TEF: variants seen among roughly 807,000 people sequenced by gnomAD.
The protein encoded by TEF is thyrotroph embryonic factor.
In TEF, 3 loss-of-function variants were observed where a neutral mutation model predicts 20.8. The ratio of observed to expected loss-of-function variants is 0.14; its 90% CI spans 0.07 to 0.37. The LOEUF (loss-of-function observed/expected upper bound fraction) is 0.37. Ranked by LOEUF, TEF falls within the 10% of genes least tolerant of loss-of-function variation. The probability of loss-of-function intolerance (pLI) is 1.00; values close to 1 mark genes in which losing one functional copy is unlikely to be tolerated. For missense variants in TEF, 296 were observed against 397.9 expected, an observed-to-expected ratio of 0.74 and a Z score of 2.18; for synonymous variants, 180 against 171.1, an observed-to-expected ratio of 1.05 and a Z score of -0.41.
chr22:41,381,278 G>C (rs564120719), upstream of TEF, among the ~76,000 whole-genome samples: 1 of 152,170 alleles, frequency 6.6e-6, no homozygotes, highest in Non-Finnish European at 1.5e-5. Flanking sequence ...AGAGTCCCCA[G>C]AACAAAAAGA....
At chr22:41,383,980 C>T (rs2037065554) in intron 1 of TEF, among the ~76,000 whole-genome samples, 2 of 152,192 alleles carry the variant, frequency 1.3e-5, no homozygotes, top group Admixed American at 1.3e-4. Flanking sequence ...GGTTTTAAAC[C>T]AAAGCCTGGT....
rs578044529 is a variant in TEF at position 41,386,193 on chromosome 22, C to T, written c.158-1158C>T. Among the ~76,000 whole-genome samples, 175 of 152,280 alleles carry T rather than the reference C, an allele frequency of 1.1e-3. 4 individuals are homozygous for T. In the South Asian group the frequency reaches 0.016, roughly 14 times the overall value. ...GTGGCTCACGCCTGTAATCCCATCA[C>T]TTTGGGAGGCCAAGGCAGGTGGATC... On this transcript the variant is annotated intron_variant, in intron 1 of 3. Coordinates refer to ENST00000266304, the MANE Select transcript of TEF (RefSeq NM_003216.4).
intron 2 of TEF, among the ~76,000 whole-genome samples, chr22:41,393,167 C>A (rs1241099335): frequency 6.6e-6 from 1 of 151,636 alleles, no homozygotes; most frequent in Admixed American, 6.6e-5. Context: ...ATAATGAAAC[C>A]CTGTCTCTAA....
chr22:41,381,356 G>A (rs1484409414), upstream of TEF, among the ~76,000 whole-genome samples: 7 of 150,458 alleles, frequency 4.7e-5, no homozygotes, highest in Non-Finnish European at 1.0e-4. Flanking sequence ...CACCGCCCCG[G>A]GCCCCGCCCC....
At chr22:41,369,373 G>GC in intron 1 of TEF, 4 of 550,166 alleles carry the variant, frequency 7.3e-6, no homozygotes, top group Non-Finnish European at 6.9e-6. Flanking sequence ...AGTTAGTCCA[G>GC]CATGGCTGGG....
rs768940653 is a variant in TEF, at chr22:41,382,123, G to A, written c.79G>A (p.Gly27Arg). ...CGGTCCGGGGCCGGGGCGCGCAGCT[G>A]GGGAAAGGGGCCTGTCGGGGTCCTT... is the stretch of plus-strand genomic sequence containing the variant. The part of the protein sequence containing the change: ...GPGPGPGRAA[G>R]ERGLSGSFPL... Residue 27 changes from glycine to arginine, a missense_variant, in exon 1 of 4, where the codon GGG becomes AGG. Gly to Arg is a moderately radical substitution (Grantham distance 125). This residue lies in a region of TEF where 102 missense variants were observed against 80.1 expected (regional missense o/e 1.27). Transcript: ENST00000266304. 211 of 1,235,270 alleles carry A rather than the reference G, an allele frequency of 1.7e-4. No homozygotes were observed. Among genetic ancestry groups the A allele is most frequent in the Non-Finnish European group, 2.1e-4 (203 of 989,678 alleles). 76.5% of individuals were successfully genotyped at this position (1,235,270 alleles called of 1,614,324 possible).
At chr22:41,367,976 A>G (rs1397921837) in intron 1 of TEF, among the ~76,000 whole-genome samples, 1 of 151,944 alleles carries the variant, frequency 6.6e-6, no homozygotes, top group Non-Finnish European at 1.5e-5. Flanking sequence ...GGGACTGTGG[A>G]TTTGGGCAGC....
chr22:41,380,278 C>T (rs2037000303), upstream of TEF, among the ~76,000 whole-genome samples: 1 of 152,216 alleles, frequency 6.6e-6, no homozygotes, highest in Non-Finnish European at 1.5e-5. Flanking sequence ...TCAGCTTCCC[C>T]AGTACCTGGG....
upstream of TEF, among the ~76,000 whole-genome samples, chr22:41,379,926 GAAAA>G (rs139912469): frequency 0.015 from 2,181 of 146,382 alleles, 61 homozygotes; most frequent in African/African-American, 0.052. Context: ...GAAAAGAAAA[GAAAA>G]GAAAATAAAA....
chr22:41,374,353 A>G (rs913463806), intron 1 of TEF, among the ~76,000 whole-genome samples: 1 of 152,098 alleles, frequency 6.6e-6, no homozygotes, highest in Non-Finnish European at 1.5e-5. Context: ...GATCGAGACC[A>G]TCCTGGCTAA....
chr22:41,398,179 C>T lies in TEF; in HGVS notation c.*2219C>T, dbSNP rs1212580586. On this transcript the variant is annotated 3_prime_UTR_variant, in exon 4 of 4. Transcript: ENST00000266304. ...ATGGAGGATGTCCACAGAGGCTGAC[C>T]TGTGGGGGAAAAGAAGTGCTCAGGT... 1 of 152,346 alleles carries T rather than the reference C, an allele frequency of 6.6e-6. No individual in the cohort carries two copies. The highest frequency in any genetic ancestry group is 2.4e-5 in the African/African-American group (1 of 41,414). 9.4% of individuals were successfully genotyped at this position (152,346 alleles called of 1,614,324 possible).
Position 41,394,034 on chromosome 22 carries a change from G to C in TEF, c.476-62G>C. On this transcript the variant is annotated intron_variant, in intron 2 of 3. Transcript: ENST00000266304. ...GAGGTTCAACCAGGTGTCTGGGTGT[G>C]TGGCGTGGGTCTTCTCTGTCCAGTG... 3.4e-6 allele frequency: 5 copies of C among 1,489,962 alleles called. No individual in the cohort carries two copies. In the South Asian group the frequency reaches 6.1e-5, roughly 18 times the overall value. 92.3% of individuals were successfully genotyped at this position (1,489,962 alleles called of 1,614,324 possible). A position where few individuals can be genotyped will look rare whatever the true frequency, so the allele number is the denominator to read the frequency against.
At chr22:41,384,288 G>T (rs528642162) in intron 1 of TEF, among the ~76,000 whole-genome samples, 2 of 152,204 alleles carry the variant, frequency 1.3e-5, no homozygotes, top group African/African-American at 4.8e-5. Flanking sequence ...CTGTCACTTT[G>T]ATTTCCTTCC....
At chr22:41,377,380 C>CT (rs1195692310), upstream of TEF, 1 of 152,152 alleles carries the variant, frequency 6.6e-6, no homozygotes, top group Non-Finnish European at 1.5e-5. Flanking sequence ...TTCTCTTTCT[C>CT]TTTTTTCCCC....
At chr22:41,379,294 C>A (rs986710979), upstream of TEF, among the ~76,000 whole-genome samples, 2 of 152,052 alleles carry the variant, frequency 1.3e-5, no homozygotes, top group Non-Finnish European at 2.9e-5. Context: ...ACCGAGATCC[C>A]GCCATTTGCA....
upstream of TEF, among the ~76,000 whole-genome samples, chr22:41,378,156 CTTAGCTTCCTTTTTTTT>C (rs2036967434): frequency 1.0e-5 from 1 of 98,246 alleles, no homozygotes; most frequent in Admixed American, 1.7e-4. Context: ...AAAAAGCTTC[CTTAGCTTCCTTTTTTTT>C]TTTTTTTTTT....
chr22:41,396,929 G>T lies in TEF; in HGVS notation c.*969G>T. On this transcript the variant is annotated 3_prime_UTR_variant, in exon 4 of 4. Transcript: ENST00000266304. ...GTGGTGTTTAGAAAATGCCTCCACA[G>T]CCCCCTTCCACCATGGGCATGAGAG... 1 of 398,618 alleles carries T rather than the reference G, an allele frequency of 2.5e-6. No individual in the cohort carries two copies. Among genetic ancestry groups the T allele is most frequent in the Non-Finnish European group, 4.4e-6 (1 of 226,118 alleles). 24.7% of individuals were successfully genotyped at this position (398,618 alleles called of 1,614,324 possible). A position where few individuals can be genotyped will look rare whatever the true frequency, so the allele number is the denominator to read the frequency against.
intron 2 of TEF, among the ~76,000 whole-genome samples, chr22:41,390,223 G>A (rs4822027): frequency 0.19 from 28,181 of 151,950 alleles, 3,726 homozygotes; most frequent in Admixed American, 0.39. Context: ...ATATATATGC[G>A]TTTCTTTTGG....
intron 1 of TEF, among the ~76,000 whole-genome samples, chr22:41,372,008 T>C (rs899176610): frequency 1.3e-5 from 2 of 152,150 alleles, no homozygotes; most frequent in African/African-American, 4.8e-5. Flanking sequence ...GGCCCTGTGT[T>C]TGCCTCCATG....
Sources: gnomAD v4.1 joint callset for allele counts (sites outside exome capture counted in the v4.1 genomes callset) on GRCh38, gnomAD v4.1.1 for gene constraint, gnomAD v4.1.1 regional missense constraint, MANE v1.5 for transcripts, NCBI Gene and HGNC (gene_info 2026-07-23, HGNC 2026-07-21) for gene names.